The following DPYD variants were observed in gnomAD, a reference collection of about 807,000 sequenced individuals.
DPYD encodes dihydropyrimidine dehydrogenase [NADP(+)].
In DPYD, 109 loss-of-function variants were observed where a neutral mutation model predicts 116.2. The ratio of observed to expected loss-of-function variants is 0.94; its 90% CI spans 0.80 to 1.10. The LOEUF (loss-of-function observed/expected upper bound fraction) is 1.10. Ranked by LOEUF, DPYD falls within the 50% of genes least tolerant of loss-of-function variation. DPYD has a pLI of 0.00. For missense variants in DPYD, 1,302 were observed against 1,254.5 expected (o/e 1.04, Z -0.57); for synonymous variants, 440 against 432.0 (o/e 1.02, Z -0.23).
Position 97,223,440 on chromosome 1 carries a change from A to G in DPYD, c.2442+11412T>C, listed in dbSNP as rs1204424557. Among the ~76,000 whole-genome samples the G allele has an allele frequency of 2.0e-5, 3 of 151,414 alleles. No homozygotes were observed. In the East Asian group the frequency reaches 5.9e-4, roughly 30 times the overall value. On this transcript the variant is annotated intron_variant, in intron 19 of 22. Transcript: ENST00000370192. ...ACACAAACACACACACATCCATACAATCTCAATGAAGGCACAGGTCATAAT... is the reference window on the plus strand; with the variant it reads ...ACACAAACACACACACATCCATACAGTCTCAATGAAGGCACAGGTCATAAT...
intron 8 of DPYD, among the ~76,000 whole-genome samples, chr1:97,671,711 G>T (rs996592174): frequency 1.3e-5 from 2 of 151,688 alleles, no homozygotes; most frequent in Admixed American, 1.3e-4. Flanking sequence ...CTGAAATTAT[G>T]CAATTCAAGG....
chr1:97,688,529 A>T (rs1660856051), intron 7 of DPYD, among the ~76,000 whole-genome samples: 1 of 152,142 alleles, frequency 6.6e-6, no homozygotes, highest in Admixed American at 6.5e-5. Flanking sequence ...GGAGAAGATG[A>T]CAACTTCCAA....
chr1:97,774,348 G>C (rs1198530861), intron 3 of DPYD, among the ~76,000 whole-genome samples: 2 of 152,124 alleles, frequency 1.3e-5, no homozygotes, highest in African/African-American at 4.8e-5. Context: ...AACCAGGCTG[G>C]TTAAACACCC....
At chr1:97,402,932 G>C (rs1426613014) in intron 14 of DPYD, among the ~76,000 whole-genome samples, 1 of 151,954 alleles carries the variant, frequency 6.6e-6, no homozygotes, top group African/African-American at 2.4e-5. Context: ...TTTGAATGTT[G>C]AACCAGCCTT....
At chr1:97,133,910 A>T (rs1276934257) in intron 20 of DPYD, among the ~76,000 whole-genome samples, 1 of 149,506 alleles carries the variant, frequency 6.7e-6, no homozygotes, top group Non-Finnish European at 1.5e-5. Context: ...GAGGTGGGGG[A>T]ATCGCTGAAA....
intron 20 of DPYD, among the ~76,000 whole-genome samples, chr1:97,145,408 T>C (rs1445414464): frequency 6.6e-6 from 1 of 152,138 alleles, no homozygotes; most frequent in Non-Finnish European, 1.5e-5. Flanking sequence ...CAGCAGCCTC[T>C]TTGTTGTATA....
chr1:97,525,978 A>AGAGTGTGTGTGTGT (rs1491342461), intron 12 of DPYD, among the ~76,000 whole-genome samples: 1 of 138,118 alleles, frequency 7.2e-6, no homozygotes, highest in African/African-American at 2.8e-5. Context: ...GGTAATTAAG[A>AGAGTGTGTGTGTGT]GTGTGTGTGT....
chr1:97,834,268 C>T (rs1669661974), intron 2 of DPYD, among the ~76,000 whole-genome samples: 1 of 151,742 alleles, frequency 6.6e-6, no homozygotes, highest in East Asian at 1.9e-4. Context: ...AAATGAAAAC[C>T]AGTCATTCAT....
chr1:97,640,385 T>C (rs1316522961), intron 8 of DPYD, among the ~76,000 whole-genome samples: 1 of 152,154 alleles, frequency 6.6e-6, no homozygotes. Context: ...CTCAGCTCAC[T>C]GCAAACTCCG....
intron 1 of DPYD, among the ~76,000 whole-genome samples, chr1:97,901,046 G>A (rs1473247807): frequency 6.6e-6 from 1 of 151,710 alleles, no homozygotes; most frequent in African/African-American, 2.4e-5. Flanking sequence ...ATTTTTTAAT[G>A]TTCTTATATC....
At chr1:97,611,465 AAAAAT>A (rs1655944647) in intron 8 of DPYD, among the ~76,000 whole-genome samples, 1 of 152,088 alleles carries the variant, frequency 6.6e-6, no homozygotes, top group African/African-American at 2.4e-5. Flanking sequence ...TATAGAGAGA[AAAAAT>A]AAAATATCTT....
At chr1:97,405,434 T>G (rs1673602111) in intron 14 of DPYD, among the ~76,000 whole-genome samples, 1 of 152,116 alleles carries the variant, frequency 6.6e-6, no homozygotes, top group South Asian at 2.1e-4. Context: ...CTCCTTCACT[T>G]TTGAAGAATA....
At chr1:97,836,603 A>T (rs192213233) in intron 2 of DPYD, among the ~76,000 whole-genome samples, 1 of 152,248 alleles carries the variant, frequency 6.6e-6, no homozygotes, top group African/African-American at 2.4e-5. Flanking sequence ...CAATTAACAT[A>T]TGAATATGTA....
At chr1:97,245,781 A>G (rs968466853) in intron 18 of DPYD, among the ~76,000 whole-genome samples, 1 of 152,050 alleles carries the variant, frequency 6.6e-6, no homozygotes, top group Non-Finnish European at 1.5e-5. Flanking sequence ...GAAAATCACA[A>G]TTTCTTTTCT....
intron 1 of DPYD, among the ~76,000 whole-genome samples, chr1:97,915,914 G>C (rs961022899): frequency 6.6e-6 from 1 of 151,948 alleles, no homozygotes; most frequent in Non-Finnish European, 1.5e-5. Flanking sequence ...TCTTTTTTCA[G>C]TCTCATTGTC....
chr1:97,324,305 C>T (rs1421744817), intron 16 of DPYD, among the ~76,000 whole-genome samples: 2 of 152,014 alleles, frequency 1.3e-5, no homozygotes, highest in Non-Finnish European at 2.9e-5. Flanking sequence ...CAGTTGGCCA[C>T]TATCCAGTGT....
At chr1:97,660,832 T>C (rs1234181468) in intron 8 of DPYD, among the ~76,000 whole-genome samples, 1 of 152,202 alleles carries the variant, frequency 6.6e-6, no homozygotes, top group East Asian at 1.9e-4. Context: ...AGCGAACATT[T>C]CTGCCTATGT....
At chr1:97,484,618 T>G (rs895059027) in intron 13 of DPYD, among the ~76,000 whole-genome samples, 3 of 152,210 alleles carry the variant, frequency 2.0e-5, no homozygotes, top group African/African-American at 7.2e-5. Context: ...GTAGCACAAC[T>G]GTTTTAAAGG....
At chr1:97,095,694 A>G (rs1650194375) in intron 21 of DPYD, among the ~76,000 whole-genome samples, 1 of 152,024 alleles carries the variant, frequency 6.6e-6, no homozygotes, top group African/African-American at 2.4e-5. Flanking sequence ...ATAAATACAC[A>G]GTTTTATATT....
Sources: allele counts gnomAD v4.1 joint callset (sites outside exome capture counted in the v4.1 genomes callset), GRCh38; gene constraint gnomAD v4.1.1; transcripts MANE v1.5; gene names NCBI Gene and HGNC (gene_info 2026-07-23, HGNC 2026-07-21).